Variants in MGAM observed in about 807,000 individuals in gnomAD.
MGAM encodes maltase-glucoamylase.
A neutral mutation model predicts 358.8 loss-of-function variants in MGAM; 253 were observed. The ratio of observed to expected loss-of-function variants is 0.71; its 90% CI spans 0.64 to 0.78. MGAM has a LOEUF of 0.78. MGAM is among the 30% of genes least tolerant of loss of function. MGAM has a pLI of 0.00. For missense variants in MGAM, 3,080 were observed against 3,432.6 expected (o/e 0.90, Z 2.57); for synonymous variants, 1,105 against 1,227.1 (o/e 0.90, Z 2.08).
chr7:142,083,360 T>C lies in MGAM; in HGVS notation c.6328T>C (p.Phe2110Leu). 1 of 1,554,388 alleles carries C rather than the reference T, an allele frequency of 6.4e-7. No individual in the cohort carries two copies. Among genetic ancestry groups the C allele is most frequent in the Non-Finnish European group, 8.8e-7 (1 of 1,131,590 alleles). The change falls in exon 53 of 71, where the codon TTT (phenylalanine) becomes CTT (leucine). Residue 2110 changes from phenylalanine to leucine, a missense_variant. Phe to Leu is a conservative substitution (Grantham distance 22). Coordinates refer to ENST00000475668, the MANE Select transcript of MGAM (RefSeq NM_001365693.1). ...CCGTACCACAGGGGGAGTTCTGGACTTTTATGTGTTCTTGGGGCCAACTCC... is the reference window on the plus strand; with the variant it reads ...CCGTACCACAGGGGGAGTTCTGGACCTTTATGTGTTCTTGGGGCCAACTCC... ...TYRTTGGVLD[F>L]YVFLGPTPEL...
At position 142,071,009 on chromosome 7, in the gene MGAM, G is replaced by T; in HGVS notation, c.5077G>T (p.Ala1693Ser). ...CTGCCCCCAGGGTGTGGATATTAAT[G>T]CAAGAGGAGAGTGGAAGACCTTGCC... Reference protein sequence around the residue: ...YDYYTGVDINARGEWKTLPAP... With the variant: ...YDYYTGVDINSRGEWKTLPAP... The change falls in exon 44 of 71, where the codon GCA becomes TCA. Residue 1693 changes from alanine (A) to serine (S), a missense_variant. Ala to Ser is a moderately conservative substitution (Grantham distance 99). Transcript: ENST00000475668. 6.4e-7 allele frequency: 1 copy of T among 1,556,224 alleles called. No individual in the cohort carries two copies. The highest frequency in any genetic ancestry group is 8.8e-7 in the Non-Finnish European group (1 of 1,132,500).
At position 142,068,623 on chromosome 7, in the gene MGAM, C is replaced by T. The variant is rs369365150; in HGVS notation, c.5005-24C>T. ...GTCCTGGAAAATGGTGGCACTGCCT[C>T]ACCTTGTTTGTGTTTCATTTTAGAA... On this transcript the variant is annotated intron_variant, in intron 42 of 70. Transcript: ENST00000475668. 944 of 1,504,728 alleles carry T rather than the reference C, an allele frequency of 6.3e-4. 157 individuals carry two copies. The highest frequency in any genetic ancestry group is 8.5e-4 in the Non-Finnish European group (924 of 1,088,652). The allele number at this position is 1,504,728 out of a possible 1,614,324, so 93.2% of individuals were successfully genotyped here.
chr7:142,019,323 A>G lies in MGAM; in HGVS notation c.448+4A>G, dbSNP rs1554457589. On this transcript the variant is annotated splice_donor_region_variant and intron_variant, in intron 4 of 70. Coordinates refer to ENST00000475668, the MANE Select transcript of MGAM (RefSeq NM_001365693.1). ...AACCTTGTCAACACAAATGCAGGTAAGCCAGAGTCTGCCATGATGCAGGAG... is the reference window on the plus strand; with the variant it reads ...AACCTTGTCAACACAAATGCAGGTAGGCCAGAGTCTGCCATGATGCAGGAG... 7.4e-6 allele frequency: 12 copies of G among 1,611,908 alleles called. No homozygotes were observed. The South Asian group carries it at 1.3e-4, about 18-fold the overall frequency.
At chr7:142,030,957 CA>C (rs1807434573) in intron 12 of MGAM, among the ~76,000 whole-genome samples, 200 bp downstream of exon 12, 1 of 152,072 alleles carries the variant, frequency 6.6e-6, no homozygotes, top group South Asian at 2.1e-4. Flanking sequence ...ATTCCCTTCA[CA>C]GCCAAGTAAG....
chr7:142,088,422 T>A (rs1205583627), intron 57 of MGAM, among the ~76,000 whole-genome samples: 1 of 137,186 alleles, frequency 7.3e-6, no homozygotes, highest in Non-Finnish European at 1.6e-5. Flanking sequence ...TATCTATGTA[T>A]ATCCATGTAC....
chr7:142,031,246 G>A (rs1417907382), intron 12 of MGAM, among the ~76,000 whole-genome samples: 39 of 152,050 alleles, frequency 2.6e-4, no homozygotes, highest in Admixed American at 2.6e-3. Context: ...CACTTCTAAG[G>A]CCTCTGATGA....
At chr7:142,052,561 A>G (rs1811099032) in intron 25 of MGAM, 115 bp downstream of exon 25, 5 of 1,427,580 alleles carry the variant, frequency 3.5e-6, no homozygotes, top group Non-Finnish European at 4.7e-6. Context: ...AGAACTTCCT[A>G]AGGGACAGGA....
At chr7:142,023,116 G>A (rs1195324950) in intron 7 of MGAM, among the ~76,000 whole-genome samples, 1 of 152,098 alleles carries the variant, frequency 6.6e-6, no homozygotes, top group Non-Finnish European at 1.5e-5. Context: ...CTGAAGTACA[G>A]TGGCACAACC....
chr7:142,019,928 G>T (rs1554457839), intron 4 of MGAM, among the ~76,000 whole-genome samples: 1 of 152,178 alleles, frequency 6.6e-6, no homozygotes. Flanking sequence ...AATTAGCCAG[G>T]TGTAGTGGCA....
Position 142,027,725 on chromosome 7 carries a change from A to T in MGAM, c.1211A>T (p.Gln404Leu). 1 of 1,608,568 alleles carries T rather than the reference A, an allele frequency of 6.2e-7. No homozygotes were observed. The highest frequency in any genetic ancestry group is 8.5e-7 in the Non-Finnish European group (1 of 1,177,088). ...GTCGTGGAGAGAAATCGCGCAGCAC[A>T]GCTCCCTTATGTAAGCAAGGTTTTC... Reference protein sequence around the residue: ...REVVERNRAAQLPYDVQHADI... With the variant: ...REVVERNRAALLPYDVQHADI... The change falls in exon 10 of 71, where the codon CAG (glutamine) becomes CTG (leucine). Residue 404 changes from glutamine (Q) to leucine (L), a missense_variant. By Grantham distance (113) the Gln-to-Leu change is moderately radical. Transcript: ENST00000475668.
In MGAM at chr7:142,080,922, C is replaced by T; in HGVS notation, c.5979C>T (p.Arg1993=). Residue 1993 remains arginine, a synonymous_variant, in exon 50 of 71, where the codon CGC becomes CGT. Coordinates refer to ENST00000475668, the MANE Select transcript of MGAM (RefSeq NM_001365693.1). ...AGAATCCATTTGGGATTGAAATTCGCCGGAAGAGTACAGGCACTATAATGT... is the reference window on the plus strand; with the variant it reads ...AGAATCCATTTGGGATTGAAATTCGTCGGAAGAGTACAGGCACTATAATGT... ...IKKNPFGIEI[R]RKSTGTIIWD... 6.4e-7 allele frequency: 1 copy of T among 1,555,560 alleles called. No homozygotes were observed. The highest frequency in any genetic ancestry group is 8.8e-7 in the Non-Finnish European group (1 of 1,132,160).
At position 142,021,647 on chromosome 7, in the gene MGAM, G is replaced by C. The variant is rs1273362632; in HGVS notation, c.620G>C (p.Gly207Ala). ...VPHEHVQSFS[G>A]NAAASLTYQV... is the part of the protein sequence containing the mutation. ...CACGAACACGTGCAGTCCTTCAGTG[G>C]AAATGCTGCTGCTTCTTTGACCTAC... The change falls in exon 6 of 71, where the codon GGA (glycine) becomes GCA (alanine). Residue 207 changes from glycine to alanine, a missense_variant. Physicochemically the swap from Gly to Ala is moderately conservative, Grantham distance 60. Around this residue, in one of 5 missense-constraint regions of MGAM, gnomAD observed 1,816 missense variants for 1,840.5 expected, o/e 0.99. Transcript: ENST00000475668. 6.2e-7 allele frequency: 1 copy of C among 1,613,834 alleles called. No individual in the cohort carries two copies. Among genetic ancestry groups the C allele is most frequent in the Non-Finnish European group, 8.5e-7 (1 of 1,179,842 alleles).
intron 26 of MGAM, among the ~76,000 whole-genome samples, chr7:142,054,325 T>A (rs941013179): frequency 3.3e-5 from 5 of 152,238 alleles, no homozygotes; most frequent in Admixed American, 3.3e-4. Context: ...TAGTAGGTAC[T>A]CATGAATCAG....
At chr7:142,053,864 T>A (rs760476274) in intron 26 of MGAM, among the ~76,000 whole-genome samples, 1 of 152,188 alleles carries the variant, frequency 6.6e-6, no homozygotes, top group East Asian at 1.9e-4. Flanking sequence ...AACACTAGCA[T>A]GTTTTAGGCA....
chr7:141,990,424 A>G (rs782107084), intron 2 of MGAM, among the ~76,000 whole-genome samples: 1 of 152,190 alleles, frequency 6.6e-6, no homozygotes, highest in African/African-American at 2.4e-5. Flanking sequence ...AAAGAAGCAG[A>G]TAATCCAGTG....
Position 142,094,619 on chromosome 7 carries a change from G to T in MGAM, c.7307-1G>T. On this transcript the variant is annotated splice_acceptor_variant, in intron 61 of 70. Coordinates refer to ENST00000475668, the MANE Select transcript of MGAM (RefSeq NM_001365693.1). LOFTEE classifies it high-confidence loss of function. ...TGACACAGCTGTGCTTCTCGTTGCA[G>T]GCATGATGGAGTTCAGCCTCTTCGG... The T allele has an allele frequency of 6.2e-7, 1 of 1,609,886 alleles. No homozygotes were observed. Among genetic ancestry groups the T allele is most frequent in the African/African-American group, 1.3e-5 (1 of 74,926 alleles).
intron 57 of MGAM, among the ~76,000 whole-genome samples, chr7:142,087,685 AC>A (rs2129056176): frequency 1.4e-5 from 2 of 146,666 alleles, no homozygotes; most frequent in Non-Finnish European, 3.1e-5. Context: ...CTTTTCTAGA[AC>A]ATCTGCCAGG....
intron 44 of MGAM, among the ~76,000 whole-genome samples, chr7:142,072,873 T>G (rs1449782913): frequency 6.8e-6 from 1 of 146,578 alleles, no homozygotes; most frequent in African/African-American, 2.4e-5. Flanking sequence ...CTGTGGGAAT[T>G]TGCCACATGG....
rs1168665781 is a variant in MGAM at position 142,042,033 on chromosome 7, A to G, written c.2498+1187A>G. ...TAATATAATATATATATATTATATT[A>G]TATACATATAATATATAATATATAT... On this transcript the variant is annotated intron_variant, in intron 21 of 70. Transcript: ENST00000475668. Among the ~76,000 whole-genome samples, 183 of 43,002 alleles carry G rather than the reference A, an allele frequency of 4.3e-3. 7 individuals are homozygous for G. Among genetic ancestry groups the G allele is most frequent in the African/African-American group, 0.025 (170 of 6,846 alleles). 28.2% of individuals were successfully genotyped at this position (43,002 alleles called of 152,430 possible).
Sources: allele counts gnomAD v4.1 joint callset (sites outside exome capture counted in the v4.1 genomes callset), GRCh38; gene constraint gnomAD v4.1.1; regional missense constraint gnomAD v4.1.1; transcripts MANE v1.5; gene names NCBI Gene and HGNC (gene_info 2026-07-23, HGNC 2026-07-21).